The following ZNF451 variants were observed in gnomAD, a reference collection of about 807,000 sequenced individuals.
ZNF451 encodes zinc finger protein 451.
ZNF451 carries 80 observed loss-of-function variants against 107.1 expected under a neutral mutation model. The observed-to-expected ratio is 0.75, with a 90% CI of 0.62 to 0.90. The LOEUF (loss-of-function observed/expected upper bound fraction) is 0.90. ZNF451 is among the 40% of genes least tolerant of loss of function. The pLI is 0.00. For missense variants in ZNF451, 1,107 were observed against 1,236.2 expected (o/e 0.90, Z 1.57); for synonymous variants, 362 against 406.5 (o/e 0.89, Z 1.32).
At chr6:57,159,934 T>G (rs573780832) in intron 13 of ZNF451, among the ~76,000 whole-genome samples, 1 of 152,320 alleles carries the variant, frequency 6.6e-6, no homozygotes, top group Non-Finnish European at 1.5e-5. Context: ...TTCAAGTCAC[T>G]GACATATATA....
chr6:57,113,172 T>A (rs1830189853), intron 3 of ZNF451, among the ~76,000 whole-genome samples: 1 of 152,204 alleles, frequency 6.6e-6, no homozygotes. Flanking sequence ...CAATGTCTGC[T>A]GTTCCCCTAT....
intron 10 of ZNF451, among the ~76,000 whole-genome samples, chr6:57,149,318 G>A (rs1165123835): frequency 6.6e-6 from 1 of 152,148 alleles, no homozygotes. Context: ...CTAGGCAGGT[G>A]TTATGTTTTT....
In ZNF451 at chr6:57,141,330, A is replaced by G. The variant is rs1831747887; in HGVS notation, c.731A>G (p.Asn244Ser). The G allele has an allele frequency of 9.3e-6, 15 of 1,612,248 alleles. No individual in the cohort carries two copies. The highest frequency in any genetic ancestry group is 1.3e-5 in the Non-Finnish European group (15 of 1,179,064). The change falls in exon 8 of 15, where the codon AAC becomes AGC. Residue 244 changes from asparagine to serine, a missense_variant. Coordinates refer to ENST00000370706, the MANE Select transcript of ZNF451 (RefSeq NM_001031623.3). ...GCCACAGATGATGGACATAACAACAACCTTCTTCCTCAGATTATTCAGTGT... is the reference window on the plus strand; with the variant it reads ...GCCACAGATGATGGACATAACAACAGCCTTCTTCCTCAGATTATTCAGTGT... Reference protein sequence around the residue: ...KEATDDGHNNNLLPQIIQCFA... With the variant: ...KEATDDGHNNSLLPQIIQCFA...
At chr6:57,126,740 G>A (rs1431224208) in intron 4 of ZNF451, 1 of 152,134 alleles carries the variant, frequency 6.6e-6, no homozygotes, top group Non-Finnish European at 1.5e-5. Context: ...GGCCAACATG[G>A]TGAAACCCCG....
intron 3 of ZNF451, chr6:57,104,177 A>G: frequency 1.0e-6 from 1 of 985,400 alleles, no homozygotes; most frequent in Non-Finnish European, 1.2e-6. Context: ...CTTTCAAACT[A>G]AACTCTAGAA....
intron 3 of ZNF451, among the ~76,000 whole-genome samples, chr6:57,119,089 T>C (rs2127955126): frequency 6.6e-6 from 1 of 152,304 alleles, no homozygotes; most frequent in South Asian, 2.1e-4. Flanking sequence ...ATAACTTCTT[T>C]CTACCTCTAG....
At chr6:57,136,182 CAAA>C (rs1465566458) in intron 7 of ZNF451, among the ~76,000 whole-genome samples, 1 of 151,942 alleles carries the variant, frequency 6.6e-6, no homozygotes, top group Non-Finnish European at 1.5e-5. Context: ...GGATTCCTAA[CAAA>C]AATAAATAGT....
intron 3 of ZNF451, chr6:57,105,900 T>A (rs1829830984): frequency 4.1e-6 from 4 of 984,080 alleles, no homozygotes; most frequent in Admixed American, 6.2e-5. Flanking sequence ...CTTTTTTTTT[T>A]AAACCGTGTG....
intron 3 of ZNF451, among the ~76,000 whole-genome samples, chr6:57,123,314 ACTACACAG>A (rs1352872598): frequency 6.6e-6 from 1 of 152,234 alleles, no homozygotes; most frequent in Non-Finnish European, 1.5e-5. Context: ...ACTGTGGAAT[ACTACACAG>A]CCATAATAAA....
At chr6:57,108,518 CA>C in intron 3 of ZNF451, 1 of 985,232 alleles carries the variant, frequency 1.0e-6, no homozygotes, top group Non-Finnish European at 1.2e-6. Flanking sequence ...GTTTTCAATT[CA>C]TTTTTTTTTA....
chr6:57,138,588 A>T (rs1201814689), intron 7 of ZNF451, among the ~76,000 whole-genome samples: 1 of 150,610 alleles, frequency 6.6e-6, no homozygotes, highest in Non-Finnish European at 1.5e-5. Flanking sequence ...ACAAATTTGT[A>T]TGGTGTCTTT....
chr6:57,149,525 G>T (rs1832247250), intron 10 of ZNF451, among the ~76,000 whole-genome samples: 1 of 152,090 alleles, frequency 6.6e-6, no homozygotes, highest in Non-Finnish European at 1.5e-5. Flanking sequence ...GATTACAGGT[G>T]TGAGCCACCA....
At chr6:57,109,437 A>G in intron 3 of ZNF451, 1 of 985,410 alleles carries the variant, frequency 1.0e-6, no homozygotes, top group Non-Finnish European at 1.2e-6. Context: ...TCTGAGCCTC[A>G]GTTTTCTTAC....
At chr6:57,105,707 C>G (rs1829821348) in intron 3 of ZNF451, 1 of 985,230 alleles carries the variant, frequency 1.0e-6, no homozygotes, top group African/African-American at 1.7e-5. Context: ...TCTAGGTTTT[C>G]TGATTGTCTC....
At chr6:57,115,683 A>G (rs763923526) in intron 3 of ZNF451, 1 of 152,166 alleles carries the variant, frequency 6.6e-6, no homozygotes, top group African/African-American at 2.4e-5. Context: ...ATTCTATGCA[A>G]TTCTGGGTAT....
chr6:57,148,388 T>C lies in ZNF451; in HGVS notation c.2303T>C (p.Met768Thr), dbSNP rs1246865758. 1.2e-6 allele frequency: 2 copies of C among 1,613,770 alleles called. No individual in the cohort carries two copies. The highest frequency in any genetic ancestry group is 1.1e-5 in the South Asian group (1 of 91,048). The change falls in exon 10 of 15, where the codon ATG becomes ACG. Residue 768 changes from methionine to threonine, a missense_variant. Physicochemically the swap from Met to Thr is moderately conservative, Grantham distance 81 (BLOSUM62 -1). This residue lies in a region of ZNF451 where 608 missense variants were observed against 649.2 expected (regional missense o/e 0.94). Transcript: ENST00000370706. ...CSATAQNLTDMNTHIHQVHKE... is the reference protein window; with the variant it reads ...CSATAQNLTDTNTHIHQVHKE... ...GCAACAGCACAGAATTTAACCGACATGAACACTCATATCCATCAAGTGCAC... is the reference window on the plus strand; with the variant it reads ...GCAACAGCACAGAATTTAACCGACACGAACACTCATATCCATCAAGTGCAC...
intron 3 of ZNF451, among the ~76,000 whole-genome samples, chr6:57,112,783 ATATATTCAT>A (rs1389875128): frequency 6.6e-6 from 1 of 152,194 alleles, no homozygotes; most frequent in Non-Finnish European, 1.5e-5. Flanking sequence ...CATGTTCATA[ATATATTCAT>A]ATTTCTATTA....
chr6:57,161,717 C>T (rs1162083370), intron 14 of ZNF451, among the ~76,000 whole-genome samples: 3 of 151,698 alleles, frequency 2.0e-5, no homozygotes, highest in Non-Finnish European at 4.4e-5. Context: ...TTTTTTGAGA[C>T]GGAGTCTTAC....
chr6:57,115,346 C>T (rs1033543399), intron 3 of ZNF451: 4 of 152,064 alleles, frequency 2.6e-5, no homozygotes, highest in Admixed American at 6.6e-5. Flanking sequence ...ATTATCATTT[C>T]GTTGATTATG....
Sources: gnomAD v4.1 joint callset for allele counts (sites outside exome capture counted in the v4.1 genomes callset) on GRCh38, gnomAD v4.1.1 for gene constraint, gnomAD v4.1.1 regional missense constraint, MANE v1.5 for transcripts, NCBI Gene and HGNC (gene_info 2026-07-23, HGNC 2026-07-21) for gene names.